The following ACAT1 variants were observed in gnomAD, a reference collection of about 807,000 sequenced individuals.
ACAT1 encodes the protein acetyl-CoA acetyltransferase, mitochondrial.
Under a neutral mutation model 47.3 loss-of-function variants are expected in ACAT1, and 28 were observed. That is an observed-to-expected ratio of 0.59 (90% CI 0.44 to 0.81). ACAT1 has a LOEUF of 0.81. Ranked by LOEUF, ACAT1 falls within the 30% of genes least tolerant of loss-of-function variation. The pLI, the probability that ACAT1 is intolerant of heterozygous loss-of-function variation, is 0.00. For synonymous variants in ACAT1, 181 were observed against 173.6 expected, an observed-to-expected ratio of 1.04 and a Z score of -0.34; for missense variants, 469 against 524.3, an observed-to-expected ratio of 0.89 and a Z score of 1.03.
At chr11:108,133,677 A>T in intron 2 of ACAT1, 143 bp from the exon 3 acceptor site, 1 of 686,992 alleles carries the variant, frequency 1.5e-6, no homozygotes, top group Non-Finnish European at 2.5e-6. Flanking sequence ...TGAACTGATT[A>T]TCTTGACAGC....
At chr11:108,138,698 A>G (rs1391788401) in intron 5 of ACAT1, 200 bp from the exon 6 acceptor site, 7 of 636,104 alleles carry the variant, frequency 1.1e-5, no homozygotes, top group Non-Finnish European at 1.9e-5. Context: ...CACCCAGCCA[A>G]CTTATTTCTC....
At chr11:108,146,963 C>T (rs2077726440) in intron 11 of ACAT1, among the ~76,000 whole-genome samples, 1 of 152,126 alleles carries the variant, frequency 6.6e-6, no homozygotes, top group African/African-American at 2.4e-5. Context: ...GCCTGTAGTC[C>T]CAGCTACTTG....
chr11:108,129,092 T>A (rs1240982082), intron 1 of ACAT1: 2 of 152,190 alleles, frequency 1.3e-5, no homozygotes, highest in African/African-American at 4.8e-5. Context: ...TATGCCTTTG[T>A]GTCCTCATAG....
At chr11:108,147,205 G>GAAAC (rs1565298567) in intron 11 of ACAT1, 65 bp from the exon 12 acceptor site, 1 of 1,582,852 alleles carries the variant, frequency 6.3e-7, no homozygotes, top group Non-Finnish European at 8.6e-7. Context: ...AATTGGAATA[G>GAAAC]AAACATTTTG....
intron 1 of ACAT1, 131 bp downstream of exon 1, chr11:108,121,809 G>T (rs796696417): frequency 9.6e-7 from 1 of 1,037,598 alleles, no homozygotes; most frequent in South Asian, 1.5e-5. Context: ...ACAGTCACGC[G>T]ACGGGTTCTG....
intron 10 of ACAT1, among the ~76,000 whole-genome samples, chr11:108,144,722 G>GAATC (rs2077669015): frequency 6.6e-6 from 1 of 151,362 alleles, no homozygotes; most frequent in East Asian, 1.9e-4. Flanking sequence ...AAAAACTGCA[G>GAATC]AATCAGTAGG....
intron 10 of ACAT1, chr11:108,144,350 T>G (rs1372139032): frequency 2.4e-5 from 9 of 371,094 alleles, no homozygotes; most frequent in Non-Finnish European, 3.9e-5. Context: ...GCGGAGGGAA[T>G]GCTGGCTGAT....
Position 108,142,445 on chromosome 11 carries a change from A to G in ACAT1, c.835A>G (p.Thr279Ala). 1.2e-6 allele frequency: 2 copies of G among 1,614,014 alleles called. No individual in the cohort carries two copies. Among genetic ancestry groups the G allele is most frequent in the Non-Finnish European group, 1.7e-6 (2 of 1,179,886 alleles). The change falls in exon 9 of 12, where the codon ACA (threonine) becomes GCA (alanine). Residue 279 changes from threonine to alanine, a missense_variant. By Grantham distance (58) the Thr-to-Ala change is moderately conservative. Coordinates refer to ENST00000265838, the MANE Select transcript of ACAT1 (RefSeq NM_000019.4). ...TVFQKENGTV[T>A]AANASTLNDG... ...CTCATTTTTGCTTTCAGGCACAGTA[A>G]CAGCTGCCAATGCCAGTACACTGAA... is the stretch of plus-strand genomic sequence containing the variant.
intron 3 of ACAT1, 75 bp from the exon 4 acceptor site, chr11:108,134,146 A>G: frequency 7.3e-7 from 1 of 1,374,396 alleles, no homozygotes; most frequent in Non-Finnish European, 1.0e-6. Flanking sequence ...GTGTAATGTC[A>G]CCTACCTTAT....
chr11:108,139,701 C>G (rs1591368329), intron 6 of ACAT1, among the ~76,000 whole-genome samples: 1 of 152,032 alleles, frequency 6.6e-6, no homozygotes. Context: ...TGCTCTGTTG[C>G]CCAGGCTGGA....
chr11:108,135,240 C>G lies in ACAT1; in HGVS notation c.433C>G (p.Gln145Glu), dbSNP rs120074148. ...CTCTCAAAGTCTTATGTGTGGACAT[C>G]AGGTAAGAAACACCGTCCTTCCCAT... ...MASQSLMCGH[Q>E]DVMVAGGMES... Residue 145 changes from glutamine to glutamate, a missense_variant and splice_region_variant, in exon 5 of 12, where the codon CAG becomes GAG. Physicochemically the swap from Gln to Glu is conservative, Grantham distance 29. Coordinates refer to ENST00000265838, the MANE Select transcript of ACAT1 (RefSeq NM_000019.4). The G allele has an allele frequency of 2.5e-6, 4 of 1,605,558 alleles. No homozygotes were observed. The Admixed American group carries it at 6.7e-5, about 27-fold the overall frequency.
intron 1 of ACAT1, 113 bp downstream of exon 1, chr11:108,121,791 G>GC (rs2077155311): frequency 2.8e-5 from 35 of 1,228,938 alleles, no homozygotes; most frequent in Non-Finnish European, 4.0e-5. Context: ...CGCGGCTTAG[G>GC]CCCCAGGACA....
intron 5 of ACAT1, chr11:108,136,156 C>T (rs933448161): frequency 3.2e-6 from 2 of 615,472 alleles, no homozygotes; most frequent in Non-Finnish European, 5.7e-6. Flanking sequence ...AAGATTCTCT[C>T]AGATCTGAGC....
At chr11:108,141,749 T>C in intron 8 of ACAT1, 49 bp downstream of exon 8, 1 of 1,263,142 alleles carries the variant, frequency 7.9e-7, no homozygotes, top group Non-Finnish European at 1.2e-6. Context: ...CAGTATACCA[T>C]ATCTAGTTCT....
intron 1 of ACAT1, among the ~76,000 whole-genome samples, chr11:108,125,084 A>G (rs2135297980): frequency 6.6e-6 from 1 of 152,346 alleles, no homozygotes; most frequent in Middle Eastern, 3.4e-3. Flanking sequence ...GTCTGCTGCC[A>G]TCACTGGGAT....
chr11:108,129,330 G>A (rs778171929), intron 1 of ACAT1: 11 of 152,264 alleles, frequency 7.2e-5, no homozygotes, highest in Non-Finnish European at 1.5e-4. Context: ...ATTGCAAATT[G>A]TGCTGCTATG....
intron 1 of ACAT1, among the ~76,000 whole-genome samples, chr11:108,129,985 C>T (rs964361539): frequency 5.9e-5 from 9 of 152,104 alleles, no homozygotes; most frequent in African/African-American, 1.9e-4. Flanking sequence ...TGCCAGAACC[C>T]AAGCTAGAAA....
upstream of ACAT1, among the ~76,000 whole-genome samples, chr11:108,120,049 T>C (rs757603805): frequency 1.3e-4 from 20 of 152,084 alleles, no homozygotes; most frequent in Non-Finnish European, 2.5e-4. Flanking sequence ...TGAAAACCCG[T>C]CTCTACTAAA....
At chr11:108,132,056 G>A in intron 2 of ACAT1, 102 bp downstream of exon 2, 1 of 742,740 alleles carries the variant, frequency 1.3e-6, no homozygotes, top group Admixed American at 2.0e-5. Flanking sequence ...GTCAAAGCAG[G>A]ATTATGTAAC....
Sources: gnomAD v4.1 joint callset for allele counts (sites outside exome capture counted in the v4.1 genomes callset) on GRCh38, gnomAD v4.1.1 for gene constraint, MANE v1.5 for transcripts, NCBI Gene and HGNC (gene_info 2026-07-23, HGNC 2026-07-21) for gene names.